Variants in MYO3B observed in about 807,000 individuals in gnomAD.
MYO3B encodes myosin IIIB.
MYO3B carries 156 observed loss-of-function variants against 174.6 expected under a neutral mutation model. That is an observed-to-expected ratio of 0.89 (90% confidence interval 0.78 to 1.02). The LOEUF is 1.02. Among genes scored for constraint, MYO3B ranks in the 50% least tolerant of loss-of-function variants. The pLI is 0.00. For missense variants in MYO3B, 1,632 were observed against 1,639.4 expected, an observed-to-expected ratio of 1.00 and a Z score of 0.08; for synonymous variants, 563 against 569.1, an observed-to-expected ratio of 0.99 and a Z score of 0.15.
At chr2:170,278,005 G>A (rs2093476034) in intron 7 of MYO3B, among the ~76,000 whole-genome samples, 1 of 152,254 alleles carries the variant, frequency 6.6e-6, no homozygotes, top group South Asian at 2.1e-4. Flanking sequence ...CATTTTCAAT[G>A]CCTGTTTATT....
chr2:170,318,881 G>A (rs1319690889), intron 7 of MYO3B, among the ~76,000 whole-genome samples: 1 of 152,166 alleles, frequency 6.6e-6, no homozygotes, highest in Non-Finnish European at 1.5e-5. Context: ...CTAGTGGTGT[G>A]ACCATAGTGT....
chr2:170,386,354 G>GTT, intron 13 of MYO3B, 82 bp downstream of exon 13: 1 of 1,220,192 alleles, frequency 8.2e-7, no homozygotes, highest in Non-Finnish European at 1.2e-6. Context: ...GGAAGTGCTG[G>GTT]GTTTTTTTTA....
At chr2:170,397,177 G>T (rs1348957948) in intron 16 of MYO3B, among the ~76,000 whole-genome samples, 2 of 152,208 alleles carry the variant, frequency 1.3e-5, no homozygotes, top group Admixed American at 1.3e-4. Context: ...TGATTTAGAA[G>T]TTGGAAGAAT....
intron 32 of MYO3B, among the ~76,000 whole-genome samples, chr2:170,620,625 G>T (rs1031402206): frequency 6.6e-6 from 1 of 152,212 alleles, no homozygotes; most frequent in Non-Finnish European, 1.5e-5. Flanking sequence ...TGAGCTTCAT[G>T]TTCCCATTGG....
At chr2:170,254,171 G>A (rs892573505) in intron 7 of MYO3B, among the ~76,000 whole-genome samples, 1 of 152,038 alleles carries the variant, frequency 6.6e-6, no homozygotes, top group Non-Finnish European at 1.5e-5. Flanking sequence ...CTACACTCCC[G>A]CCACAAACTT....
chr2:170,461,769 T>G (rs1488453055), intron 23 of MYO3B, among the ~76,000 whole-genome samples: 1 of 58,786 alleles, frequency 1.7e-5, no homozygotes, highest in East Asian at 5.0e-4. Context: ...AGAGTGAAAC[T>G]CCGTTTAAAA....
chr2:170,263,057 G>A (rs920443973), intron 7 of MYO3B, among the ~76,000 whole-genome samples: 13 of 152,304 alleles, frequency 8.5e-5, no homozygotes, highest in African/African-American at 2.2e-4. Context: ...AAATTGGAGC[G>A]ACTAAGCAGC....
At chr2:170,317,614 T>C (rs2105485349) in intron 7 of MYO3B, among the ~76,000 whole-genome samples, 1 of 152,300 alleles carries the variant, frequency 6.6e-6, no homozygotes, top group East Asian at 1.9e-4. Flanking sequence ...TGTTTGCAGA[T>C]AGGAGGAAAT....
At chr2:170,436,262 G>T (rs1310377815) in intron 22 of MYO3B, among the ~76,000 whole-genome samples, 1 of 152,180 alleles carries the variant, frequency 6.6e-6, no homozygotes, top group African/African-American at 2.4e-5. Flanking sequence ...CTGTCTAGGG[G>T]GTGAAGCACT....
intron 7 of MYO3B, among the ~76,000 whole-genome samples, chr2:170,301,550 A>C (rs1415485820): frequency 6.6e-6 from 1 of 152,226 alleles, no homozygotes; most frequent in Non-Finnish European, 1.5e-5. Flanking sequence ...TTATGTTTAA[A>C]ATGGCTGGAA....
intron 6 of MYO3B, 126 bp downstream of exon 6, chr2:170,217,521 C>T (rs2092844007): frequency 2.5e-6 from 2 of 811,332 alleles, no homozygotes; most frequent in South Asian, 2.9e-5. Flanking sequence ...CCTCATTGAA[C>T]TTTAAGAGTA....
intron 24 of MYO3B, among the ~76,000 whole-genome samples, chr2:170,465,949 G>T (rs980012313): frequency 1.3e-5 from 2 of 152,108 alleles, no homozygotes; most frequent in African/African-American, 4.8e-5. Flanking sequence ...CCCTCTTGCT[G>T]TGAGAGCCCT....
chr2:170,254,928 G>A (rs187782174), intron 7 of MYO3B, among the ~76,000 whole-genome samples: 2 of 152,284 alleles, frequency 1.3e-5, no homozygotes, highest in East Asian at 3.9e-4. Context: ...AACTAGTTGA[G>A]TGGGCCTGCT....
chr2:170,443,327 C>G (rs1286725783), intron 22 of MYO3B, among the ~76,000 whole-genome samples: 1 of 152,140 alleles, frequency 6.6e-6, no homozygotes, highest in Non-Finnish European at 1.5e-5. Context: ...CCTTTGCCCA[C>G]TTTTTGATGG....
intron 7 of MYO3B, among the ~76,000 whole-genome samples, chr2:170,301,916 C>T (rs1553589094): frequency 2.2e-5 from 3 of 134,636 alleles, no homozygotes; most frequent in Admixed American, 1.7e-4. Context: ...CTGGATTTTC[C>T]TTCTCAGTCA....
rs141445951 is a variant in MYO3B, at chr2:170,515,922, A to G, written c.3472+900A>G. Among the ~76,000 whole-genome samples the G allele has an allele frequency of 2.7e-3, 408 of 152,246 alleles. 1 individual carries two copies. The highest frequency in any genetic ancestry group is 9.2e-3 in the African/African-American group (384 of 41,550). On this transcript the variant is annotated intron_variant, in intron 29 of 34. Coordinates refer to ENST00000408978, the MANE Select transcript of MYO3B (RefSeq NM_138995.5). ...GAGAAGTAGCAGGATCCAGGAGAAC[A>G]TCAGTGTTTCTTGAACTTGAGGAGA...
chr2:170,190,329 A>C (rs2092524712), intron 1 of MYO3B, among the ~76,000 whole-genome samples: 2 of 152,110 alleles, frequency 1.3e-5, no homozygotes, highest in African/African-American at 4.8e-5. Flanking sequence ...CTCTTGTCCA[A>C]GGCCTGCAGT....
intron 6 of MYO3B, among the ~76,000 whole-genome samples, chr2:170,228,400 T>C (rs1041652238): frequency 6.6e-6 from 1 of 152,184 alleles, no homozygotes; most frequent in Non-Finnish European, 1.5e-5. Context: ...ATGAGGAAGC[T>C]CTGGAACAGG....
chr2:170,285,905 C>T (rs953806028), intron 7 of MYO3B, among the ~76,000 whole-genome samples: 2 of 151,642 alleles, frequency 1.3e-5, no homozygotes, highest in East Asian at 3.9e-4. Context: ...AGGGAGAAAC[C>T]TAAGTCTTTC....
Sources: allele counts gnomAD v4.1 joint callset (sites outside exome capture counted in the v4.1 genomes callset), GRCh38; gene constraint gnomAD v4.1.1; transcripts MANE v1.5; gene names NCBI Gene and HGNC (gene_info 2026-07-23, HGNC 2026-07-21).